Variants in WDHD1 observed in about 807,000 individuals in gnomAD.
WDHD1 encodes the protein WD repeat and HMG-box DNA-binding protein 1.
WDHD1 carries 111 observed loss-of-function variants against 135.4 expected under a neutral mutation model. The ratio of observed to expected loss-of-function variants is 0.82; its 90% CI spans 0.70 to 0.96. WDHD1 has a LOEUF of 0.96. Ranked by LOEUF, WDHD1 falls within the 40% of genes least tolerant of loss-of-function variation. The probability of loss-of-function intolerance (pLI) is 0.00; values close to 1 mark genes in which losing one functional copy is unlikely to be tolerated. For missense variants in WDHD1, 1,351 were observed against 1,336.3 expected, an observed-to-expected ratio of 1.01 and a Z score of -0.17; for synonymous variants, 434 against 439.0, an observed-to-expected ratio of 0.99 and a Z score of 0.14.
At position 54,954,241 on chromosome 14, in the gene WDHD1, G is replaced by A. The variant is rs146758959; in HGVS notation, c.3050+1320C>T. Among the ~76,000 whole-genome samples the A allele has an allele frequency of 1.8e-3, 280 of 152,214 alleles. 1 individual carries two copies. Among genetic ancestry groups the A allele is most frequent in the Middle Eastern group, 6.8e-3 (2 of 294 alleles). On this transcript the variant is annotated intron_variant, in intron 24 of 25. Coordinates refer to ENST00000360586, the MANE Select transcript of WDHD1 (RefSeq NM_007086.4). Reference sequence around the variant, plus strand: ...GCGGAGGTTGCAGTGAGCCAAGATCGTGCCAATGCACTCCAGCCTGGGCAA... The same window carrying A: ...GCGGAGGTTGCAGTGAGCCAAGATCATGCCAATGCACTCCAGCCTGGGCAA...
Position 54,967,296 on chromosome 14 carries a change from T to G in WDHD1, c.2162A>C (p.Glu721Ala). The G allele has an allele frequency of 6.2e-7, 1 of 1,611,468 alleles. No individual in the cohort carries two copies. Among genetic ancestry groups the G allele is most frequent in the Non-Finnish European group, 8.5e-7 (1 of 1,178,296 alleles). Residue 721 changes from glutamate to alanine, a missense_variant, in exon 17 of 26, where the codon GAG becomes GCG. By Grantham distance (107) the Glu-to-Ala change is moderately radical (BLOSUM62 -1). Transcript: ENST00000360586. Reference protein sequence around the residue: ...FKLPYCQIATEKGQMEEQFWR... With the variant: ...FKLPYCQIATAKGQMEEQFWR... ...TCCACATACCTCCATTTGTCCTTTC[T>G]CTGTTGCAATCTGACAGTAAGGAAG...
intron 18 of WDHD1, among the ~76,000 whole-genome samples, chr14:54,965,620 G>A (rs751357803): frequency 7.9e-5 from 12 of 152,290 alleles, no homozygotes; most frequent in Non-Finnish European, 5.9e-5. Context: ...TAGCCCTAGA[G>A]ATGTTTATTC....
chr14:54,993,953 G>A (rs2041836981), intron 11 of WDHD1, among the ~76,000 whole-genome samples: 1 of 152,186 alleles, frequency 6.6e-6, no homozygotes, highest in Non-Finnish European at 1.5e-5. Flanking sequence ...CAAAACATTT[G>A]AGGACTGCTG....
intron 4 of WDHD1, among the ~76,000 whole-genome samples, chr14:55,009,508 C>T (rs976502856): frequency 6.6e-5 from 10 of 151,560 alleles, no homozygotes; most frequent in African/African-American, 2.4e-4. Context: ...TCTCAGCTCA[C>T]GCAACCTCTG....
At chr14:55,024,503 C>A (rs940384467) in intron 2 of WDHD1, among the ~76,000 whole-genome samples, 1 of 152,206 alleles carries the variant, frequency 6.6e-6, no homozygotes, top group African/African-American at 2.4e-5. Context: ...CTTTTCTACA[C>A]ACCCATGTTT....
At chr14:54,986,086 G>T (rs2041689982) in intron 14 of WDHD1, among the ~76,000 whole-genome samples, 2 of 152,288 alleles carry the variant, frequency 1.3e-5, no homozygotes, top group East Asian at 1.9e-4. Flanking sequence ...CAACTTAAAA[G>T]TCATAGACAC....
chr14:55,013,194 C>CAAAAAAAAAAAAAAAAA lies in WDHD1; in HGVS notation c.189+274_189+290dup, dbSNP rs71448422. On this transcript the variant is annotated intron_variant, in intron 3 of 25. Transcript: ENST00000360586. ...TGAGCAACATGGCAAGATCCCGTTT[C>CAAAAAAAAAAAAAAAAA]AAAAAAAAAAAAAAAAAAAAAAAAT... Among the ~76,000 whole-genome samples the CAAAAAAAAAAAAAAAAA allele has an allele frequency of 6.4e-4, 53 of 82,320 alleles. 3 individuals carry two copies. The highest frequency in any genetic ancestry group is 1.2e-3 in the African/African-American group (23 of 19,326). The allele number at this position is 82,320 out of a possible 152,430, so 54.0% of individuals were successfully genotyped here. A position where few individuals can be genotyped will look rare whatever the true frequency, so the allele number is the denominator to read the frequency against.
At chr14:54,994,006 T>A (rs1469510775) in intron 11 of WDHD1, among the ~76,000 whole-genome samples, 1 of 152,236 alleles carries the variant, frequency 6.6e-6, no homozygotes, top group Non-Finnish European at 1.5e-5. Context: ...AACATAGCAC[T>A]GCACATTGGC....
chr14:55,007,343 T>C lies in WDHD1; in HGVS notation c.537A>G (p.Lys179=). 6.2e-7 allele frequency: 1 copy of C among 1,605,936 alleles called. No individual in the cohort carries two copies. The highest frequency in any genetic ancestry group is 8.5e-7 in the Non-Finnish European group (1 of 1,177,548). ...TCAISWPLLQ[K]CNDVINAKSI... is the part of the protein sequence containing the mutation. Reference sequence around the variant, plus strand: ...ATTTTGCATTTATCACATCGTTGCATTTTTGTAGCAGTGGCCAACTAATAG... The same window carrying C: ...ATTTTGCATTTATCACATCGTTGCACTTTTGTAGCAGTGGCCAACTAATAG... Residue 179 remains lysine, a synonymous_variant, in exon 7 of 26, where the codon AAA becomes AAG. Transcript: ENST00000360586.
At chr14:54,957,775 GATA>G (rs1163660587) in intron 21 of WDHD1, 140 bp from the exon 22 acceptor site, 2 of 653,732 alleles carry the variant, frequency 3.1e-6, no homozygotes, top group African/African-American at 3.7e-5. Flanking sequence ...ATTAACAACA[GATA>G]TCCTCTTTCC....
At chr14:54,953,128 A>G (rs181842845) in intron 24 of WDHD1, among the ~76,000 whole-genome samples, 120 of 152,320 alleles carry the variant, frequency 7.9e-4, no homozygotes, top group African/African-American at 2.6e-3. Flanking sequence ...GACAGATGGG[A>G]TCTAATTAAA....
intron 21 of WDHD1, among the ~76,000 whole-genome samples, chr14:54,958,593 T>A (rs2041199078): frequency 6.6e-6 from 1 of 152,232 alleles, no homozygotes; most frequent in African/African-American, 2.4e-5. Context: ...TACCTTTCAG[T>A]CACCTTGTTT....
intron 21 of WDHD1, among the ~76,000 whole-genome samples, chr14:54,959,441 G>C (rs536531384): frequency 4.8e-5 from 7 of 145,726 alleles, no homozygotes; most frequent in Non-Finnish European, 7.6e-5. Flanking sequence ...GGGAGGGAGG[G>C]AGGCAGGCAG....
At chr14:54,980,533 C>G (rs963681626) in intron 16 of WDHD1, among the ~76,000 whole-genome samples, 2 of 152,106 alleles carry the variant, frequency 1.3e-5, no homozygotes, top group African/African-American at 4.8e-5. Context: ...AGTCCAGGAC[C>G]AGGTACGGTG....
At chr14:55,025,976 TCTC>T (rs1323129347) in intron 2 of WDHD1, among the ~76,000 whole-genome samples, 1 of 152,242 alleles carries the variant, frequency 6.6e-6, no homozygotes, top group East Asian at 1.9e-4. Context: ...TAGATGAGCT[TCTC>T]CTCATACATG....
intron 3 of WDHD1, among the ~76,000 whole-genome samples, chr14:55,012,578 C>CTGTA (rs2140225885): frequency 6.6e-6 from 1 of 152,246 alleles, no homozygotes; most frequent in Admixed American, 6.5e-5. Flanking sequence ...TTAGTCTGTT[C>CTGTA]TGTACTGCTA....
At chr14:54,997,828 T>C (rs903337355) in intron 10 of WDHD1, among the ~76,000 whole-genome samples, 7 of 151,306 alleles carry the variant, frequency 4.6e-5, no homozygotes, top group Non-Finnish European at 7.4e-5. Flanking sequence ...GGAGAATCAC[T>C]TGAACCCGGG....
At chr14:54,945,978 C>T (rs2040917937) in intron 24 of WDHD1, among the ~76,000 whole-genome samples, 1 of 152,074 alleles carries the variant, frequency 6.6e-6, no homozygotes, top group African/African-American at 2.4e-5. Context: ...TAACCATTTG[C>T]CCAATTTCTG....
chr14:54,950,228 T>C (rs2041019426), intron 24 of WDHD1, among the ~76,000 whole-genome samples: 1 of 152,168 alleles, frequency 6.6e-6, no homozygotes, highest in African/African-American at 2.4e-5. Flanking sequence ...GACCCATCAG[T>C]GTGCTGTATT....
Sources: gnomAD v4.1 joint callset for allele counts (sites outside exome capture counted in the v4.1 genomes callset) on GRCh38, gnomAD v4.1.1 for gene constraint, MANE v1.5 for transcripts, NCBI Gene and HGNC (gene_info 2026-07-23, HGNC 2026-07-21) for gene names.